Variants in ZNF385C observed in about 807,000 individuals in gnomAD.
The protein encoded by ZNF385C is zinc finger protein 385C.
A neutral mutation model predicts 35.4 loss-of-function variants in ZNF385C; 28 were observed. That is an observed-to-expected ratio of 0.79 (90% CI 0.59 to 1.08). ZNF385C has a LOEUF of 1.08. ZNF385C is among the 50% of genes least tolerant of loss of function. ZNF385C has a pLI of 0.00. For missense variants in ZNF385C, 605 were observed against 595.6 expected (o/e 1.02, Z -0.16); for synonymous variants, 248 against 248.2 (o/e 1.00, Z 0.01).
rs1182089972 is a variant in ZNF385C, at chr17:42,084,992, T to A, written c.-3+13418A>T. ...TTATTTATATAAACAATCTAAAGAC[T>A]ACTTAAAATGTATAAAGATCTGGGC... On this transcript the variant is annotated intron_variant, in intron 1 of 8. Coordinates refer to ENST00000692273, the MANE Select transcript of ZNF385C (RefSeq NM_001392013.1). Among the ~76,000 whole-genome samples, 3 of 152,136 alleles carry A rather than the reference T, an allele frequency of 2.0e-5. 1 individual carries two copies. The highest frequency in any genetic ancestry group is 2.9e-5 in the Non-Finnish European group (2 of 68,028).
intron 1 of ZNF385C, 60 bp from the exon 2 acceptor site, chr17:42,063,118 C>T (rs1449485329): frequency 7.1e-6 from 4 of 565,458 alleles, no homozygotes; most frequent in Admixed American, 3.2e-5. Context: ...TTAGAGAGAG[C>T]AGGAGGGGCT....
At chr17:42,073,296 G>A (rs1555659014) in intron 1 of ZNF385C, among the ~76,000 whole-genome samples, 1 of 151,980 alleles carries the variant, frequency 6.6e-6, no homozygotes, top group Non-Finnish European at 1.5e-5. Flanking sequence ...ATTAGCCGGG[G>A]GTAGTGGCAC....
At chr17:42,052,352 A>G (rs2053298619) in intron 2 of ZNF385C, among the ~76,000 whole-genome samples, 1 of 152,164 alleles carries the variant, frequency 6.6e-6, no homozygotes, top group Non-Finnish European at 1.5e-5. Flanking sequence ...ACACACACAC[A>G]CGAGCACAGA....
At chr17:42,093,285 A>C (rs1269572292) in intron 1 of ZNF385C, among the ~76,000 whole-genome samples, 3 of 152,204 alleles carry the variant, frequency 2.0e-5, no homozygotes, top group African/African-American at 4.8e-5. Context: ...CAGGAGAAAG[A>C]AAAGTGTCAA....
intron 2 of ZNF385C, among the ~76,000 whole-genome samples, chr17:42,053,991 G>A (rs1223778927): frequency 6.6e-6 from 1 of 152,208 alleles, no homozygotes; most frequent in Non-Finnish European, 1.5e-5. Context: ...CTGGAAAGCA[G>A]CGTCGTTCCT....
intron 6 of ZNF385C, 100 bp downstream of exon 6, chr17:42,028,683 C>T (rs2052655569): frequency 2.1e-6 from 3 of 1,414,558 alleles, no homozygotes; most frequent in African/African-American, 2.9e-5. Context: ...GCCATCCAAC[C>T]CTTGAGCGAA....
At chr17:42,069,006 G>A (rs2143887180) in intron 1 of ZNF385C, among the ~76,000 whole-genome samples, 1 of 152,336 alleles carries the variant, frequency 6.6e-6, no homozygotes, top group East Asian at 1.9e-4. Flanking sequence ...GGAAGGACAA[G>A]GGGAAAGCAG....
chr17:42,050,194 G>A lies in ZNF385C; in HGVS notation c.251-12309C>T, dbSNP rs1476024432. On this transcript the variant is annotated intron_variant, in intron 2 of 8. Transcript: ENST00000692273. This position sits in a 1 kb window ranked among gnomAD's most constrained non-coding sequence, Gnocchi z 5.6. ...AGGAACAACTTGACAAGGACCCCAA[G>A]GCATGTAAGCCTCAAACAGTATTCA... is the stretch of plus-strand genomic sequence containing the variant. 1.3e-5 allele frequency among the ~76,000 whole-genome samples: 2 copies of A among 152,198 alleles called. No individual in the cohort carries two copies. Among genetic ancestry groups the A allele is most frequent in the Non-Finnish European group, 2.9e-5 (2 of 68,024 alleles).
chr17:42,045,255 G>A (rs1443799745), intron 2 of ZNF385C, among the ~76,000 whole-genome samples: 1 of 151,790 alleles, frequency 6.6e-6, no homozygotes, highest in African/African-American at 2.4e-5. Flanking sequence ...GTTTCACCGT[G>A]TTAGCCAGGA....
chr17:42,079,076 G>A (rs1395388695), intron 1 of ZNF385C, among the ~76,000 whole-genome samples: 1 of 151,304 alleles, frequency 6.6e-6, no homozygotes, highest in African/African-American at 2.4e-5. Flanking sequence ...CGGCACGGTG[G>A]CTCATGCCTG....
chr17:42,062,960 G>A lies in ZNF385C; in HGVS notation c.97C>T (p.Pro33Ser), dbSNP rs1287511363. 13 of 694,334 alleles carry A rather than the reference G, an allele frequency of 1.9e-5. No homozygotes were observed. The highest frequency in any genetic ancestry group is 7.5e-5 in the South Asian group (5 of 66,656). The allele number at this position is 694,334 out of a possible 1,614,324, so 43.0% of individuals were successfully genotyped here. A position where few individuals can be genotyped will look rare whatever the true frequency, so the allele number is the denominator to read the frequency against. ...CLPRPPEPPK[P>S]KRERKRPSYT... ...GATGGCCGCTTTCTTTCTCGCTTGG[G>A]CTTAGGTGGTTCTGGGGGCCGAGGG... The change falls in exon 2 of 9, where the codon CCC (proline) becomes TCC (serine). Residue 33 changes from proline (P) to serine (S), a missense_variant. Transcript: ENST00000692273.
chr17:42,097,658 A>G (rs1306603781), intron 1 of ZNF385C, among the ~76,000 whole-genome samples: 1 of 152,132 alleles, frequency 6.6e-6, no homozygotes, highest in Non-Finnish European at 1.5e-5. Context: ...CTGTCAGCCC[A>G]GGTCCTCCTC....
At chr17:42,074,587 C>T (rs2053664729) in intron 1 of ZNF385C, among the ~76,000 whole-genome samples, 1 of 152,218 alleles carries the variant, frequency 6.6e-6, no homozygotes, top group Non-Finnish European at 1.5e-5. Flanking sequence ...GACAGGGTTT[C>T]ACCATGTTGT....
chr17:42,071,964 C>G (rs1555658849), intron 1 of ZNF385C, among the ~76,000 whole-genome samples: 2 of 152,172 alleles, frequency 1.3e-5, no homozygotes, highest in Non-Finnish European at 1.5e-5. Flanking sequence ...GCAGAGTGTT[C>G]TGGCCAGGGG....
At chr17:42,081,209 C>T (rs2053745247) in intron 1 of ZNF385C, among the ~76,000 whole-genome samples, 2 of 152,114 alleles carry the variant, frequency 1.3e-5, no homozygotes, top group African/African-American at 2.4e-5. Context: ...CAGATAAACA[C>T]ATGAATCAGG....
intron 2 of ZNF385C, chr17:42,039,707 A>C: frequency 8.1e-7 from 1 of 1,232,498 alleles, no homozygotes; most frequent in Non-Finnish European, 1.0e-6. Context: ...GGCCACCCTC[A>C]GGTGAGCTGC....
At chr17:42,033,837 G>T (rs1337768530) in intron 4 of ZNF385C, among the ~76,000 whole-genome samples, 2 of 152,152 alleles carry the variant, frequency 1.3e-5, no homozygotes, top group Non-Finnish European at 2.9e-5. Context: ...GGATGGGCAT[G>T]ATCACATTCT....
At chr17:42,085,438 T>G (rs1256928953) in intron 1 of ZNF385C, among the ~76,000 whole-genome samples, 2 of 149,770 alleles carry the variant, frequency 1.3e-5, no homozygotes, top group African/African-American at 5.0e-5. Context: ...CCGGCTAATT[T>G]TTTTCTTTTT....
At chr17:42,040,355 T>C in intron 2 of ZNF385C, 1 of 1,231,796 alleles carries the variant, frequency 8.1e-7, no homozygotes, top group Non-Finnish European at 1.0e-6. Context: ...TCAGGGTCCA[T>C]GGATGCCAGT....
Sources: gnomAD v4.1 joint callset for allele counts (sites outside exome capture counted in the v4.1 genomes callset) on GRCh38, gnomAD v4.1.1 for gene constraint, Gnocchi (gnomAD v3.1) non-coding constraint, MANE v1.5 for transcripts, NCBI Gene and HGNC (gene_info 2026-07-23, HGNC 2026-07-21) for gene names.